Variants in B3GALT1 observed in about 807,000 individuals in gnomAD.
B3GALT1 encodes beta-1,3-galactosyltransferase 1, also known as UDP-Gal:betaGlcNAc beta 1,3-galactosyltransferase, polypeptide 1.
B3GALT1 carries 10 observed loss-of-function variants against 23.2 expected under a neutral mutation model. That is an observed-to-expected ratio of 0.43 (90% CI 0.27 to 0.73). The LOEUF (loss-of-function observed/expected upper bound fraction) is 0.73, where lower values mean the gene tolerates loss of function less well. Among genes scored for constraint, B3GALT1 ranks in the 30% least tolerant of loss-of-function variants. The pLI, the probability that B3GALT1 is intolerant of heterozygous loss-of-function variation, is 0.21. For missense variants in B3GALT1, 299 were observed against 405.4 expected (o/e 0.74, Z 2.25); for synonymous variants, 156 against 141.5 (o/e 1.10, Z -0.73).
At chr2:167,780,635 T>C (rs1316091455) in intron 3 of B3GALT1, among the ~76,000 whole-genome samples, 1 of 152,252 alleles carries the variant, frequency 6.6e-6, no homozygotes, top group African/African-American at 2.4e-5. Context: ...ATATTTTGGA[T>C]GCATCATTGT....
At chr2:167,623,118 A>G (rs1685287495) in intron 2 of B3GALT1, among the ~76,000 whole-genome samples, 1 of 152,200 alleles carries the variant, frequency 6.6e-6, no homozygotes, top group Non-Finnish European at 1.5e-5. Flanking sequence ...GTCAAGAAAC[A>G]ACAGATGCTG....
At position 167,428,625 on chromosome 2, in the gene B3GALT1, C is replaced by A. The variant is rs1027304183; in HGVS notation, c.-510-61552C>A. ...CCTGGGAGGAGGAGGTTGCAGTGAG[C>A]TGAGATCGCCCCACTACACTCTAGC... On this transcript the variant is annotated intron_variant, in intron 1 of 4. Coordinates refer to ENST00000392690, the MANE Select transcript of B3GALT1 (RefSeq NM_020981.4). Among the ~76,000 whole-genome samples the A allele has an allele frequency of 2.0e-5, 3 of 151,868 alleles. No homozygotes were observed. The East Asian group carries it at 5.8e-4, about 29-fold the overall frequency.
intron 1 of B3GALT1, among the ~76,000 whole-genome samples, chr2:167,383,729 T>A (rs1697879598): frequency 6.6e-6 from 1 of 152,226 alleles, no homozygotes; most frequent in African/African-American, 2.4e-5. Context: ...CTGGCTGGTA[T>A]AACTGTTCAC....
intron 1 of B3GALT1, among the ~76,000 whole-genome samples, chr2:167,351,006 C>T (rs1324727849): frequency 6.6e-6 from 1 of 152,134 alleles, no homozygotes; most frequent in Non-Finnish European, 1.5e-5. Context: ...TGGTGGCTCA[C>T]GCCTGTAATC....
intron 3 of B3GALT1, among the ~76,000 whole-genome samples, chr2:167,668,652 G>T (rs1165121721): frequency 6.6e-6 from 1 of 152,196 alleles, no homozygotes; most frequent in Non-Finnish European, 1.5e-5. Flanking sequence ...TAATCTCCTG[G>T]TGCGCCGTTT....
At chr2:167,579,496 T>C (rs1418688416) in intron 2 of B3GALT1, among the ~76,000 whole-genome samples, 1 of 138,240 alleles carries the variant, frequency 7.2e-6, no homozygotes, top group Non-Finnish European at 1.5e-5. Flanking sequence ...CTTAAATATC[T>C]AAAAATCTCT....
chr2:167,493,731 A>G (rs1225482195), intron 2 of B3GALT1, among the ~76,000 whole-genome samples: 1 of 152,166 alleles, frequency 6.6e-6, no homozygotes, highest in Non-Finnish European at 1.5e-5. Flanking sequence ...AGTACCTTAA[A>G]TCTATGCTGC....
intron 1 of B3GALT1, among the ~76,000 whole-genome samples, chr2:167,402,068 C>T (rs766611702): frequency 6.6e-6 from 1 of 151,930 alleles, no homozygotes; most frequent in African/African-American, 2.4e-5. Flanking sequence ...ATTCAGATGG[C>T]ATAAATTTGA....
At chr2:167,804,795 A>C (rs1013343781) in intron 3 of B3GALT1, among the ~76,000 whole-genome samples, 2 of 150,642 alleles carry the variant, frequency 1.3e-5, no homozygotes, top group Admixed American at 1.3e-4. Flanking sequence ...ATATGTGTGC[A>C]TGTGTCTTTA....
intron 1 of B3GALT1, among the ~76,000 whole-genome samples, chr2:167,445,890 A>G (rs1698979864): frequency 6.6e-6 from 1 of 152,130 alleles, no homozygotes; most frequent in Non-Finnish European, 1.5e-5. Context: ...TTATGTGTGA[A>G]TTTGATCCTG....
chr2:167,293,013 G>A lies in B3GALT1; in HGVS notation c.-832G>A, dbSNP rs551298356. ...AGTCGCCGAGGCCAGAGCCATCGCCGGGGAAGCGCAGCCGGGCTCGGGTGC... is the reference window on the plus strand; with the variant it reads ...AGTCGCCGAGGCCAGAGCCATCGCCAGGGAAGCGCAGCCGGGCTCGGGTGC... On this transcript the variant is annotated 5_prime_UTR_variant, in exon 1 of 5. Coordinates refer to ENST00000392690, the MANE Select transcript of B3GALT1 (RefSeq NM_020981.4). 1.1e-4 allele frequency among the ~76,000 whole-genome samples: 17 copies of A among 152,120 alleles called. No homozygotes were observed. The East Asian group carries it at 3.1e-3, about 28-fold the overall frequency.
At chr2:167,797,568 T>C (rs1688564308) in intron 3 of B3GALT1, among the ~76,000 whole-genome samples, 1 of 152,222 alleles carries the variant, frequency 6.6e-6, no homozygotes, top group Non-Finnish European at 1.5e-5. Flanking sequence ...TCTTCCACAG[T>C]GGTTGAACTG....
intron 4 of B3GALT1, among the ~76,000 whole-genome samples, chr2:167,843,179 C>T (rs1398393664): frequency 6.6e-6 from 1 of 152,162 alleles, no homozygotes; most frequent in Non-Finnish European, 1.5e-5. Flanking sequence ...TAAAAGTTTG[C>T]AGCTGTAAAT....
chr2:167,417,121 G>A (rs1457211841), intron 1 of B3GALT1, among the ~76,000 whole-genome samples: 2 of 152,148 alleles, frequency 1.3e-5, no homozygotes, highest in African/African-American at 4.8e-5. Flanking sequence ...GCTATGGTTT[G>A]AATGTTTGTC....
intron 4 of B3GALT1, among the ~76,000 whole-genome samples, chr2:167,852,530 A>G (rs1689923252): frequency 6.7e-6 from 1 of 149,536 alleles, no homozygotes; most frequent in African/African-American, 2.5e-5. Flanking sequence ...TTCCACTAGG[A>G]TTATTTTCCT....
At chr2:167,840,224 C>T (rs1384461472) in intron 4 of B3GALT1, among the ~76,000 whole-genome samples, 6 of 151,770 alleles carry the variant, frequency 4.0e-5, no homozygotes, top group African/African-American at 1.2e-4. Context: ...AAAGAAACTA[C>T]CATCAGAGTG....
At chr2:167,615,568 G>A (rs538660310) in intron 2 of B3GALT1, among the ~76,000 whole-genome samples, 13 of 151,930 alleles carry the variant, frequency 8.6e-5, no homozygotes, top group Non-Finnish European at 1.8e-4. Context: ...ATAAGTATAC[G>A]AAGTAATGAA....
intron 3 of B3GALT1, among the ~76,000 whole-genome samples, chr2:167,730,643 G>A (rs184578165): frequency 2.6e-5 from 4 of 152,212 alleles, no homozygotes; most frequent in South Asian, 2.1e-4. Context: ...CAGAGCTGGC[G>A]CCCTTCTTTA....
chr2:167,303,331 A>T (rs778973996), intron 1 of B3GALT1, among the ~76,000 whole-genome samples: 1 of 152,122 alleles, frequency 6.6e-6, no homozygotes, highest in Non-Finnish European at 1.5e-5. Flanking sequence ...CCTTCCCCAT[A>T]TACTTAGTTT....
Sources: allele counts gnomAD v4.1 joint callset (sites outside exome capture counted in the v4.1 genomes callset), GRCh38; gene constraint gnomAD v4.1.1; transcripts MANE v1.5; gene names NCBI Gene and HGNC (gene_info 2026-07-23, HGNC 2026-07-21).